The following TEX36 variants were observed in gnomAD, a reference collection of about 807,000 sequenced individuals.
TEX36 encodes testis-expressed protein 36.
In TEX36, 12 loss-of-function variants were observed where a neutral mutation model predicts 13.6. The observed-to-expected ratio is 0.88, with a 90% CI of 0.56 to 1.43. TEX36 has a LOEUF of 1.43. Among genes scored for constraint, TEX36 ranks in the 40% most tolerant of loss-of-function variants. The pLI, the probability that TEX36 is intolerant of heterozygous loss-of-function variation, is 0.00. For synonymous variants in TEX36, 93 were observed against 83.0 expected, an observed-to-expected ratio of 1.12 and a Z score of -0.65; for missense variants, 224 against 228.3, an observed-to-expected ratio of 0.98 and a Z score of 0.12.
At chr10:125,605,986 T>C (rs1386087157) in intron 3 of TEX36, among the ~76,000 whole-genome samples, 1 of 152,230 alleles carries the variant, frequency 6.6e-6, no homozygotes, top group Non-Finnish European at 1.5e-5. Context: ...TGGACTAAAA[T>C]CAATGATGCA....
chr10:125,679,585 G>A (rs1395472754), intron 1 of TEX36, among the ~76,000 whole-genome samples: 3 of 152,132 alleles, frequency 2.0e-5, no homozygotes, highest in African/African-American at 7.2e-5. Context: ...TGGGCTGCCG[G>A]AAGTCTCTCA....
chr10:125,671,525 C>T (rs1847229233), intron 1 of TEX36, among the ~76,000 whole-genome samples: 1 of 152,158 alleles, frequency 6.6e-6, no homozygotes, highest in Admixed American at 6.5e-5. Flanking sequence ...CTGCTGGATT[C>T]AGTTTGCCAG....
chr10:125,601,828 C>G (rs1220757074), intron 3 of TEX36, among the ~76,000 whole-genome samples: 3 of 152,162 alleles, frequency 2.0e-5, no homozygotes, highest in African/African-American at 7.2e-5. Flanking sequence ...CACCGACCTG[C>G]TAACCAGTTG....
intron 3 of TEX36, among the ~76,000 whole-genome samples, chr10:125,638,594 A>G (rs1189023758): frequency 6.6e-6 from 1 of 152,090 alleles, no homozygotes; most frequent in Non-Finnish European, 1.5e-5. Flanking sequence ...CAAACAAACA[A>G]AAAAAAATTT....
chr10:125,644,459 CCCTA>C (rs1846736784), intron 3 of TEX36, among the ~76,000 whole-genome samples: 5 of 151,978 alleles, frequency 3.3e-5, no homozygotes, highest in South Asian at 2.1e-4. Flanking sequence ...AAGTGAAATA[CCCTA>C]CCTAATTCCC....
At chr10:125,576,766 G>T in exon 4 of TEX36, 4 of 1,535,378 alleles carry the variant, frequency 2.6e-6, no homozygotes, top group Non-Finnish European at 3.5e-6. Flanking sequence ...GCAAGGAGGG[G>T]TGCATTAGTT....
In TEX36 at chr10:125,667,503, A is replaced by G. The variant is rs928667243; in HGVS notation, c.52-5526T>C. 5 of 728,906 alleles carry G rather than the reference A, an allele frequency of 6.9e-6. No individual in the cohort carries two copies. The African/African-American group carries it at 7.0e-5, about 10-fold the overall frequency. 45.2% of individuals were successfully genotyped at this position (728,906 alleles called of 1,614,324 possible). On this transcript the variant is annotated intron_variant, in intron 1 of 3. Coordinates refer to ENST00000368821, the MANE Select transcript of TEX36 (RefSeq NM_001128202.3). ...GTGTGTTCCCCAATCTTCAGAACACAATGCCACTTGGTGAAGTCAGCTCCA... is the reference window on the plus strand; with the variant it reads ...GTGTGTTCCCCAATCTTCAGAACACGATGCCACTTGGTGAAGTCAGCTCCA...
At chr10:125,663,840 TTTC>T (rs1555006740) in intron 1 of TEX36, among the ~76,000 whole-genome samples, 32 of 152,352 alleles carry the variant, frequency 2.1e-4, no homozygotes, top group Non-Finnish European at 3.4e-4. Flanking sequence ...GCATTTATCA[TTTC>T]TTTGTGTTAC....
chr10:125,647,814 G>C (rs947235157), intron 3 of TEX36, among the ~76,000 whole-genome samples: 3 of 152,156 alleles, frequency 2.0e-5, no homozygotes, highest in Non-Finnish European at 4.4e-5. Flanking sequence ...ATAATACTGC[G>C]CTTTTCCAAT....
At chr10:125,602,676 A>C (rs1290568231) in intron 3 of TEX36, among the ~76,000 whole-genome samples, 1 of 152,236 alleles carries the variant, frequency 6.6e-6, no homozygotes, top group African/African-American at 2.4e-5. Context: ...AAGATGGGAC[A>C]GAGAAGAAAT....
At chr10:125,603,387 C>T (rs529775247) in intron 3 of TEX36, among the ~76,000 whole-genome samples, 11 of 152,122 alleles carry the variant, frequency 7.2e-5, no homozygotes, top group Non-Finnish European at 1.5e-4. Flanking sequence ...GAGCTCCCCT[C>T]TGCACCTCTT....
intron 3 of TEX36, among the ~76,000 whole-genome samples, chr10:125,589,866 T>C (rs568091859): frequency 6.6e-6 from 1 of 152,210 alleles, no homozygotes; most frequent in Non-Finnish European, 1.5e-5. Flanking sequence ...TATGATTCAG[T>C]GTACGCTCAT....
chr10:125,639,920 T>C (rs1444947948), intron 3 of TEX36, among the ~76,000 whole-genome samples: 2 of 152,222 alleles, frequency 1.3e-5, no homozygotes, highest in African/African-American at 4.8e-5. Context: ...TCATGGCCGA[T>C]ACCAGTCATG....
rs1846932592 is a variant in TEX36 at position 125,655,923 on chromosome 10, CCT to C, written c.536_537del (p.Lys179SerfsTer15). Reference sequence around the variant, plus strand: ...GATTAGGACTCCAGTGAAGAAACAACCTTTTTGTCAACAGTGAACCTTACTTT... The same window carrying C: ...GATTAGGACTCCAGTGAAGAAACAACTTTTGTCAACAGTGAACCTTACTTT... ...KPKVRFTVDK[K>X]VVSSLES On this transcript the variant is annotated frameshift_variant, in exon 4 of 4. Coordinates refer to ENST00000368821, the MANE Select transcript of TEX36 (RefSeq NM_001128202.3). LOFTEE classifies it high-confidence loss of function. 6.5e-7 allele frequency: 1 copy of C among 1,531,064 alleles called. No homozygotes were observed. Among genetic ancestry groups the C allele is most frequent in the Non-Finnish European group, 8.8e-7 (1 of 1,137,094 alleles). 94.8% of individuals were successfully genotyped at this position (1,531,064 alleles called of 1,614,324 possible).
At chr10:125,579,474 A>C (rs890821930) in intron 3 of TEX36, among the ~76,000 whole-genome samples, 1 of 152,174 alleles carries the variant, frequency 6.6e-6, no homozygotes, top group Non-Finnish European at 1.5e-5. Flanking sequence ...GGGGATTACA[A>C]TTTGGATTAC....
At chr10:125,614,640 T>C (rs1171782336) in intron 3 of TEX36, among the ~76,000 whole-genome samples, 4 of 152,214 alleles carry the variant, frequency 2.6e-5, no homozygotes, top group South Asian at 2.1e-4. Context: ...CATTGATCTA[T>C]ATCTCTGTTT....
intron 3 of TEX36, among the ~76,000 whole-genome samples, chr10:125,622,772 A>C (rs1216759627): frequency 6.6e-6 from 1 of 152,162 alleles, no homozygotes; most frequent in Non-Finnish European, 1.5e-5. Flanking sequence ...GTAGTAGTCG[A>C]TTTCATCTTG....
intron 1 of TEX36, among the ~76,000 whole-genome samples, chr10:125,664,353 C>T (rs986210868): frequency 6.6e-6 from 1 of 152,090 alleles, no homozygotes; most frequent in Non-Finnish European, 1.5e-5. Flanking sequence ...TGGGTATATA[C>T]CTAGCAGTGG....
intron 3 of TEX36, among the ~76,000 whole-genome samples, chr10:125,650,473 G>T (rs974850436): frequency 5.9e-5 from 9 of 152,148 alleles, no homozygotes; most frequent in Non-Finnish European, 5.9e-5. Flanking sequence ...CATCATACCA[G>T]AATCTCTGGG....
Sources: allele counts gnomAD v4.1 joint callset (sites outside exome capture counted in the v4.1 genomes callset), GRCh38; gene constraint gnomAD v4.1.1; transcripts MANE v1.5; gene names NCBI Gene and HGNC (gene_info 2026-07-23, HGNC 2026-07-21).